CHEK2: variants seen among roughly 807,000 people sequenced by gnomAD.
CHEK2 encodes serine/threonine-protein kinase Chk2.
A neutral mutation model predicts 69.1 loss-of-function variants in CHEK2; 71 were observed. The observed-to-expected ratio is 1.03, with a 90% CI of 0.85 to 1.25. The LOEUF (loss-of-function observed/expected upper bound fraction) is 1.25. Ranked by LOEUF, CHEK2 falls within the 50% of genes most tolerant of loss-of-function variation. CHEK2 has a pLI of 0.00. For synonymous variants in CHEK2, 189 were observed against 226.9 expected, an observed-to-expected ratio of 0.83 and a Z score of 1.50; for missense variants, 664 against 649.6, an observed-to-expected ratio of 1.02 and a Z score of -0.24.
chr22:28,698,628 TG>T (rs2052689950), intron 9 of CHEK2, among the ~76,000 whole-genome samples: 1 of 151,900 alleles, frequency 6.6e-6, no homozygotes, highest in Non-Finnish European at 1.5e-5. Context: ...CTGCAAGGAG[TG>T]GGTTTTCAAG....
intron 3 of CHEK2, 26 bp downstream of exon 3, chr22:28,725,217 T>G: frequency 6.2e-7 from 1 of 1,614,066 alleles, no homozygotes; most frequent in Non-Finnish European, 8.5e-7. Flanking sequence ...CCAGCTCTCC[T>G]AGATACATGG....
At chr22:28,725,421 T>G (rs1219699124) in intron 2 of CHEK2, 54 bp from the exon 3 acceptor site, 15 of 1,609,802 alleles carry the variant, frequency 9.3e-6, no homozygotes, top group Non-Finnish European at 1.2e-5. Flanking sequence ...TATCAAACGT[T>G]TAAAAATTGC....
intron 13 of CHEK2, among the ~76,000 whole-genome samples, chr22:28,693,046 G>T (rs1358957626): frequency 6.6e-6 from 1 of 152,070 alleles, no homozygotes; most frequent in Non-Finnish European, 1.5e-5. Context: ...AAATTACCCA[G>T]TCTTGGGCAG....
At chr22:28,721,068 G>A (rs1009294429) in intron 4 of CHEK2, among the ~76,000 whole-genome samples, 4 of 152,144 alleles carry the variant, frequency 2.6e-5, no homozygotes, top group African/African-American at 4.8e-5. Flanking sequence ...ACATCTGGAT[G>A]TTCACATTAC....
chr22:28,708,363 ATGTGTGTGTG>A (rs10694007), intron 7 of CHEK2, among the ~76,000 whole-genome samples: 2 of 139,666 alleles, frequency 1.4e-5, no homozygotes, highest in African/African-American at 5.4e-5. Context: ...CTCTAAAAAT[ATGTGTGTGTG>A]TGTGTGTGTG....
intron 8 of CHEK2, among the ~76,000 whole-genome samples, chr22:28,703,262 G>C (rs367901862): frequency 1.3e-5 from 2 of 152,184 alleles, no homozygotes; most frequent in Admixed American, 1.3e-4. Flanking sequence ...GTCAACTGCA[G>C]AGTGGAGTTC....
At chr22:28,720,686 T>TG (rs2053744290) in intron 4 of CHEK2, among the ~76,000 whole-genome samples, 1 of 152,212 alleles carries the variant, frequency 6.6e-6, no homozygotes. Flanking sequence ...TCATTCAGGC[T>TG]GGTACACAAG....
chr22:28,695,931 C>T (rs2145808262), intron 10 of CHEK2, 58 bp from the exon 11 acceptor site: 1 of 1,379,412 alleles, frequency 7.2e-7, no homozygotes, highest in Non-Finnish European at 1.0e-6. Context: ...AAAAGATTAA[C>T]ATAGTCTGCC....
chr22:28,691,566 C>T (rs1377910563), intron 13 of CHEK2, among the ~76,000 whole-genome samples: 4 of 152,284 alleles, frequency 2.6e-5, no homozygotes, highest in African/African-American at 9.6e-5. Context: ...AACAGTGGCT[C>T]GTGCCTATTA....
At chr22:28,706,180 A>G (rs1424827118) in intron 7 of CHEK2, among the ~76,000 whole-genome samples, 1 of 151,978 alleles carries the variant, frequency 6.6e-6, no homozygotes, top group Non-Finnish European at 1.5e-5. Context: ...ACGAACCTGT[A>G]GTCCCAGCTG....
intron 7 of CHEK2, among the ~76,000 whole-genome samples, chr22:28,704,050 G>A (rs1269581959): frequency 6.6e-6 from 1 of 151,458 alleles, no homozygotes; most frequent in Non-Finnish European, 1.5e-5. Context: ...TTTTTCAAAG[G>A]AAGAGGAAAA....
At chr22:28,713,362 C>CTTTTTTTTT (rs200104960) in intron 5 of CHEK2, among the ~76,000 whole-genome samples, 1 of 140,786 alleles carries the variant, frequency 7.1e-6, no homozygotes. Flanking sequence ...TACAAGTTTT[C>CTTTTTTTTT]TTTTTTTTTT....
At chr22:28,706,966 T>C (rs900083156) in intron 7 of CHEK2, among the ~76,000 whole-genome samples, 1 of 151,816 alleles carries the variant, frequency 6.6e-6, no homozygotes, top group Non-Finnish European at 1.5e-5. Flanking sequence ...AAGACACATA[T>C]AGAAAAGGAA....
At chr22:28,726,008 G>C (rs1277444461) in intron 2 of CHEK2, among the ~76,000 whole-genome samples, 1 of 151,750 alleles carries the variant, frequency 6.6e-6, no homozygotes, top group Non-Finnish European at 1.5e-5. Context: ...TTCAAGACCA[G>C]CCTGGCCAAG....
chr22:28,716,199 C>CTTT (rs202194670), intron 5 of CHEK2, among the ~76,000 whole-genome samples: 1 of 136,152 alleles, frequency 7.3e-6, no homozygotes, highest in Non-Finnish European at 1.6e-5. Context: ...TCTTTTTTCT[C>CTTT]TTTTTTTTTT....
intron 1 of CHEK2, among the ~76,000 whole-genome samples, chr22:28,739,236 A>G (rs918918136): frequency 1.3e-5 from 2 of 152,172 alleles, no homozygotes; most frequent in East Asian, 1.9e-4. Flanking sequence ...AGATCGCACC[A>G]CTGCACTCGA....
At position 28,724,878 on chromosome 22, in the gene CHEK2, T is replaced by G. The variant is rs184377234; in HGVS notation, c.592+99A>C. Reference sequence around the variant, plus strand: ...ACCACGCCCAGCAACTTACTCATCTTTACTCACTTAAACCATATTCTGTAA... The same window carrying G: ...ACCACGCCCAGCAACTTACTCATCTGTACTCACTTAAACCATATTCTGTAA... On this transcript the variant is annotated intron_variant, in intron 4 of 14. Transcript: ENST00000404276. 103 of 1,289,240 alleles carry G rather than the reference T, an allele frequency of 8.0e-5. 1 individual carries two copies. In the East Asian group the frequency reaches 2.3e-3, roughly 29 times the overall value. The allele number at this position is 1,289,240 out of a possible 1,614,324, so 79.9% of individuals were successfully genotyped here. A position where few individuals can be genotyped will look rare whatever the true frequency, so the allele number is the denominator to read the frequency against.
At chr22:28,714,674 C>G (rs1301339807) in intron 5 of CHEK2, among the ~76,000 whole-genome samples, 2 of 152,044 alleles carry the variant, frequency 1.3e-5, no homozygotes, top group Admixed American at 1.3e-4. Context: ...TCTTTTGTTG[C>G]TGTGCTTTTG....
At chr22:28,713,510 C>T (rs1172124515) in intron 5 of CHEK2, among the ~76,000 whole-genome samples, 1 of 151,932 alleles carries the variant, frequency 6.6e-6, no homozygotes, top group African/African-American at 2.4e-5. Context: ...GTACCCGCCA[C>T]CACGCCCGGC....
Sources: gnomAD v4.1 joint callset for allele counts (sites outside exome capture counted in the v4.1 genomes callset) on GRCh38, gnomAD v4.1.1 for gene constraint, MANE v1.5 for transcripts, NCBI Gene and HGNC (gene_info 2026-07-23, HGNC 2026-07-21) for gene names.